The following THRAP3 variants were observed in gnomAD, a reference collection of about 807,000 sequenced individuals.
THRAP3 encodes the protein thyroid hormone receptor associated protein 3.
In THRAP3, 16 loss-of-function variants were observed where a neutral mutation model predicts 101.0. The observed-to-expected ratio is 0.16, with a 90% CI of 0.11 to 0.24. The LOEUF (loss-of-function observed/expected upper bound fraction) is 0.24, where lower values mean the gene tolerates loss of function less well. Among genes scored for constraint, THRAP3 ranks in the 10% least tolerant of loss-of-function variants. THRAP3 has a pLI of 1.00. For synonymous variants in THRAP3, 407 were observed against 422.6 expected (o/e 0.96, Z 0.45); for missense variants, 989 against 1,202.7 (o/e 0.82, Z 2.63).
chr1:36,214,531 C>T, the THRAP3 span, among the ~76,000 whole-genome samples: 1 of 152,114 alleles, frequency 6.6e-6, no homozygotes, highest in East Asian at 1.9e-4. Context: ...TTGCCCTAAT[C>T]CGTTCTCACA....
Position 36,304,128 on chromosome 1 carries a change from C to A in THRAP3, c.*111C>A. 1 of 1,405,904 alleles carries A rather than the reference C, an allele frequency of 7.1e-7. No homozygotes were observed. Among genetic ancestry groups the A allele is most frequent in the Non-Finnish European group, 9.4e-7 (1 of 1,065,416 alleles). 87.1% of individuals were successfully genotyped at this position (1,405,904 alleles called of 1,614,324 possible). ...AGATTCTGAAAATCCTACCCCCACC[C>A]CCCACCAGCCGCACAGATTGTACTA... On this transcript the variant is annotated 3_prime_UTR_variant, in exon 12 of 12. Transcript: ENST00000354618.
intron 1 of THRAP3, among the ~76,000 whole-genome samples, chr1:36,230,498 G>A (rs1244684112): frequency 1.3e-5 from 2 of 151,860 alleles, no homozygotes; most frequent in African/African-American, 4.8e-5. Context: ...CCTGACCTCA[G>A]GTGATCCACC....
intron 1 of THRAP3, among the ~76,000 whole-genome samples, chr1:36,234,155 A>G (rs1406686197): frequency 1.3e-5 from 2 of 152,102 alleles, no homozygotes; most frequent in Non-Finnish European, 2.9e-5. Flanking sequence ...GGGTTTCACC[A>G]TGTTGCCCAG....
At chr1:36,288,546 C>T (rs1202895816) in intron 4 of THRAP3, 1 of 985,290 alleles carries the variant, frequency 1.0e-6, no homozygotes, top group African/African-American at 1.7e-5. Context: ...TTTGTGTTCA[C>T]AGTATATTTC....
chr1:36,232,801 C>G (rs913056794), intron 1 of THRAP3, among the ~76,000 whole-genome samples: 1 of 151,518 alleles, frequency 6.6e-6, no homozygotes, highest in Non-Finnish European at 1.5e-5. Flanking sequence ...AGGGTACTTT[C>G]TGGAGTGATA....
intron 2 of THRAP3, among the ~76,000 whole-genome samples, chr1:36,266,702 G>A (rs558925732): frequency 6.6e-6 from 1 of 152,230 alleles, no homozygotes; most frequent in East Asian, 1.9e-4. Flanking sequence ...TCCAAGTGAG[G>A]TTGGTACTAC....
chr1:36,274,512 G>A (rs1351235350), intron 2 of THRAP3, among the ~76,000 whole-genome samples: 1 of 151,252 alleles, frequency 6.6e-6, no homozygotes, highest in African/African-American at 2.4e-5. Context: ...ATTTAAAAAT[G>A]TACTATAGCT....
At chr1:36,267,383 T>C (rs1645529422) in intron 2 of THRAP3, among the ~76,000 whole-genome samples, 1 of 152,188 alleles carries the variant, frequency 6.6e-6, no homozygotes, top group South Asian at 2.1e-4. Flanking sequence ...TTGTCAGCAA[T>C]ACAGCTGTTC....
intron 1 of THRAP3, among the ~76,000 whole-genome samples, chr1:36,233,844 A>G (rs1371574232): frequency 1.3e-5 from 2 of 152,214 alleles, no homozygotes; most frequent in South Asian, 2.1e-4. Context: ...GCAGGTAACT[A>G]TAGTAAGTAG....
In THRAP3 at chr1:36,237,490, G is replaced by A. The variant is rs186072209; in HGVS notation, c.-135+12985G>A. 6.6e-4 allele frequency among the ~76,000 whole-genome samples: 97 copies of A among 146,230 alleles called. 3 individuals carry two copies. In the East Asian group the frequency reaches 0.018, roughly 27 times the overall value. On this transcript the variant is annotated intron_variant, in intron 1 of 11. Coordinates refer to ENST00000354618, the MANE Select transcript of THRAP3 (RefSeq NM_005119.4). ...TCTCAAAAAAAAAAAAAAAAAAAAGGCTGGGCGCGATGGCTCATGCCTGTA... is the reference window on the plus strand; with the variant it reads ...TCTCAAAAAAAAAAAAAAAAAAAAGACTGGGCGCGATGGCTCATGCCTGTA...
At chr1:36,280,215 C>T (rs1262468230) in intron 2 of THRAP3, among the ~76,000 whole-genome samples, 2 of 152,148 alleles carry the variant, frequency 1.3e-5, no homozygotes, top group Admixed American at 6.5e-5. Flanking sequence ...AAATTCTTAT[C>T]TGTAAAACGG....
At chr1:36,213,195 G>A in the THRAP3 span, among the ~76,000 whole-genome samples, 1 of 152,132 alleles carries the variant, frequency 6.6e-6, no homozygotes, top group Non-Finnish European at 1.5e-5. Flanking sequence ...TACACTGAGG[G>A]TTTAGGGTTT....
At position 36,288,252 on chromosome 1, in the gene THRAP3, C is replaced by T. The variant is rs1570331268; in HGVS notation, c.1041-808C>T. ...GTGATTTCTGAGGTTTTGGTGCACC[C>T]ATCACCTGAGCAGTGTACACTGTAC... On this transcript the variant is annotated intron_variant, in intron 4 of 11. Coordinates refer to ENST00000354618, the MANE Select transcript of THRAP3 (RefSeq NM_005119.4). 4.0e-6 allele frequency: 3 copies of T among 750,772 alleles called. No homozygotes were observed. The South Asian group carries it at 1.8e-4, about 45-fold the overall frequency. The allele number at this position is 750,772 out of a possible 1,614,324, so 46.5% of individuals were successfully genotyped here.
chr1:36,208,153 G>A, the THRAP3 span, among the ~76,000 whole-genome samples: 4 of 152,108 alleles, frequency 2.6e-5, no homozygotes, highest in Non-Finnish European at 2.9e-5. Context: ...AGGGTAAGTC[G>A]GCTCCCCTCC....
At chr1:36,281,447 G>GTAT (rs1645730503) in intron 2 of THRAP3, among the ~76,000 whole-genome samples, 1 of 152,198 alleles carries the variant, frequency 6.6e-6, no homozygotes, top group Admixed American at 6.5e-5. Flanking sequence ...ATCTCTTACA[G>GTAT]TATTACCCAG....
chr1:36,215,064 A>G, the THRAP3 span, among the ~76,000 whole-genome samples: 3 of 151,196 alleles, frequency 2.0e-5, no homozygotes, highest in Admixed American at 6.6e-5. Flanking sequence ...TACTAAGAAT[A>G]CAAAAAAAAA....
At chr1:36,233,809 T>C (rs572430316) in intron 1 of THRAP3, among the ~76,000 whole-genome samples, 24 of 152,226 alleles carry the variant, frequency 1.6e-4, no homozygotes, top group African/African-American at 5.8e-4. Context: ...CAAAACCCAT[T>C]CTATCAAGGC....
intron 1 of THRAP3, among the ~76,000 whole-genome samples, chr1:36,233,841 A>G (rs1570231126): frequency 6.6e-6 from 1 of 152,348 alleles, no homozygotes; most frequent in African/African-American, 2.4e-5. Flanking sequence ...ACTGCAGGTA[A>G]CTATAGTAAG....
intron 2 of THRAP3, among the ~76,000 whole-genome samples, chr1:36,264,796 T>TA (rs1167380264): frequency 1.3e-5 from 2 of 152,228 alleles, no homozygotes; most frequent in Admixed American, 6.5e-5. Context: ...ATTGTGAAGA[T>TA]ATACAGAGTT....
Sources: allele counts gnomAD v4.1 joint callset (sites outside exome capture counted in the v4.1 genomes callset), GRCh38; gene constraint gnomAD v4.1.1; transcripts MANE v1.5; gene names NCBI Gene and HGNC (gene_info 2026-07-23, HGNC 2026-07-21).